Variants in A1CF observed in about 807,000 individuals in gnomAD.
A1CF encodes the protein APOBEC-1 stimulating protein.
In A1CF, 48 loss-of-function variants were observed where a neutral mutation model predicts 68.9. That is an observed-to-expected ratio of 0.70 (90% CI 0.55 to 0.89). The LOEUF is 0.89. Among genes scored for constraint, A1CF ranks in the 40% least tolerant of loss-of-function variants. The pLI, the probability that A1CF is intolerant of heterozygous loss-of-function variation, is 0.00. For synonymous variants in A1CF, 272 were observed against 260.4 expected, an observed-to-expected ratio of 1.04 and a Z score of -0.43; for missense variants, 653 against 718.9, an observed-to-expected ratio of 0.91 and a Z score of 1.05.
In A1CF at chr10:50,841,917, A is replaced by C; in HGVS notation, c.310T>G (p.Ser104Ala). 1 of 1,612,472 alleles carries C rather than the reference A, an allele frequency of 6.2e-7. No homozygotes were observed. The highest frequency in any genetic ancestry group is 8.5e-7 in the Non-Finnish European group (1 of 1,178,916). The stretch of plus-strand genomic sequence containing the variant: ...GCATTCTTGGCTTCCACTTTATTTG[A>C]AAATGTTACAAATGCATATCCTCTA... ...NNRGYAFVTF[S>A]NKVEAKNAIK... The change falls in exon 5 of 13, where the codon TCA (serine) becomes GCA (alanine). Residue 104 changes from serine (S) to alanine (A), a missense_variant. Physicochemically the swap from Ser to Ala is moderately conservative, Grantham distance 99. Transcript: ENST00000373997.
chr10:50,881,380 G>A (rs997073416), intron 1 of A1CF, among the ~76,000 whole-genome samples: 3 of 152,150 alleles, frequency 2.0e-5, no homozygotes, highest in South Asian at 2.1e-4. Context: ...GCTTATAAAC[G>A]ATAGGTGGGA....
chr10:50,816,063 G>T lies in A1CF; in HGVS notation c.1084C>A (p.Pro362Thr). 6.2e-7 allele frequency: 1 copy of T among 1,613,758 alleles called. No homozygotes were observed. The highest frequency in any genetic ancestry group is 8.5e-7 in the Non-Finnish European group (1 of 1,179,830). ...TYAAIPSLHF[P>T]ATKGHLSNRA... ...TTGCTGAGATGTCCTTTGGTGGCTG[G>T]GAAATGAAGACTGGGAATTGCTGCA... is the stretch of plus-strand genomic sequence containing the variant. Residue 362 changes from proline (P) to threonine (T), a missense_variant, in exon 9 of 13, where the codon CCA becomes ACA. Coordinates refer to ENST00000373997, the MANE Select transcript of A1CF (RefSeq NM_014576.4).
rs138192088 is a variant in A1CF at position 50,813,990 on chromosome 10, G to C, written c.1190C>G (p.Thr397Arg). The change falls in exon 10 of 13, where the codon ACA becomes AGA. Residue 397 changes from threonine to arginine, a missense_variant. Coordinates refer to ENST00000373997, the MANE Select transcript of A1CF (RefSeq NM_014576.4). ...GACCTGGTATCCTCGACCCAGGCCT[G>C]TGTATGCCAAATAGCCACGGCCGCC... is the stretch of plus-strand genomic sequence containing the variant. ...GLGGRGYLAY[T>R]GLGRGYQVKG... 5 of 1,613,824 alleles carry C rather than the reference G, an allele frequency of 3.1e-6. No homozygotes were observed. Among genetic ancestry groups the C allele is most frequent in the Non-Finnish European group, 4.2e-6 (5 of 1,179,844 alleles).
intron 10 of A1CF, among the ~76,000 whole-genome samples, chr10:50,812,613 T>C (rs557644648): frequency 3.3e-5 from 5 of 152,332 alleles, no homozygotes; most frequent in African/African-American, 1.2e-4. Context: ...ATCAGGTTTT[T>C]TGTTTTGGGT....
chr10:50,839,469 ATC>A (rs529287444), intron 5 of A1CF, among the ~76,000 whole-genome samples: 80 of 152,308 alleles, frequency 5.3e-4, no homozygotes, highest in African/African-American at 1.9e-3. Flanking sequence ...TGCTCAGAAC[ATC>A]TCTGTGTTTA....
chr10:50,878,668 G>A (rs1031855529), intron 1 of A1CF, among the ~76,000 whole-genome samples: 10 of 152,078 alleles, frequency 6.6e-5, no homozygotes, highest in Admixed American at 1.3e-4. Flanking sequence ...TTGATTTTAC[G>A]GCTTGTTTTT....
At chr10:50,851,893 G>A (rs529819391) in intron 3 of A1CF, among the ~76,000 whole-genome samples, 9 of 152,314 alleles carry the variant, frequency 5.9e-5, no homozygotes, top group Admixed American at 1.3e-4. Flanking sequence ...TGATTGCAAG[G>A]AACTGTGATC....
At chr10:50,815,076 G>C (rs1838301297) in intron 9 of A1CF, among the ~76,000 whole-genome samples, 1 of 152,162 alleles carries the variant, frequency 6.6e-6, no homozygotes, top group African/African-American at 2.4e-5. Flanking sequence ...CAGTAATCTA[G>C]ATGTGCCTTT....
intron 1 of A1CF, among the ~76,000 whole-genome samples, chr10:50,866,921 C>A (rs1841017883): frequency 6.6e-6 from 1 of 151,886 alleles, no homozygotes; most frequent in East Asian, 1.9e-4. Flanking sequence ...AGCTATGTTG[C>A]CCAGGTTGGT....
chr10:50,865,858 A>G (rs2132554182), intron 1 of A1CF, among the ~76,000 whole-genome samples: 1 of 152,338 alleles, frequency 6.6e-6, no homozygotes, highest in South Asian at 2.1e-4. Context: ...TGTTTCGCAC[A>G]TGACTGTATT....
chr10:50,856,310 T>C (rs188866572), intron 3 of A1CF, among the ~76,000 whole-genome samples: 1 of 152,080 alleles, frequency 6.6e-6, no homozygotes, highest in Non-Finnish European at 1.5e-5. Context: ...TTTTCCACAC[T>C]CTGTAGCCAA....
At chr10:50,877,344 C>G (rs1173536199) in intron 1 of A1CF, among the ~76,000 whole-genome samples, 1 of 152,136 alleles carries the variant, frequency 6.6e-6, no homozygotes, top group Non-Finnish European at 1.5e-5. Flanking sequence ...ATGTTTCTCC[C>G]TCTCTTTTTA....
Position 50,856,669 on chromosome 10 carries a change from C to A in A1CF, c.99+3173G>T, listed in dbSNP as rs751063358. On this transcript the variant is annotated intron_variant, in intron 3 of 12. Transcript: ENST00000373997. ...TCACAAGTTATCTAAACTGTCTGTG[C>A]CTTGTTTTCTTCATCAGGAAATTGG... 5.2e-4 allele frequency among the ~76,000 whole-genome samples: 79 copies of A among 152,140 alleles called. 2 individuals are homozygous for A. Among genetic ancestry groups the A allele is most frequent in the Non-Finnish European group, 1.8e-4 (12 of 67,936 alleles).
At chr10:50,811,618 G>T (rs1021525290) in intron 10 of A1CF, among the ~76,000 whole-genome samples, 2 of 152,110 alleles carry the variant, frequency 1.3e-5, no homozygotes, top group South Asian at 4.1e-4. Flanking sequence ...TTGTCATAGG[G>T]TTTTAATCTC....
At chr10:50,824,928 C>G (rs1838847356) in intron 7 of A1CF, among the ~76,000 whole-genome samples, 1 of 152,148 alleles carries the variant, frequency 6.6e-6, no homozygotes, top group Admixed American at 6.6e-5. Context: ...CACTGCAATG[C>G]TTGGCACACA....
chr10:50,849,955 G>A (rs1840164494), intron 3 of A1CF, among the ~76,000 whole-genome samples: 1 of 151,976 alleles, frequency 6.6e-6, no homozygotes, highest in Non-Finnish European at 1.5e-5. Flanking sequence ...AACCATGCCT[G>A]GCTAATTTTT....
intron 8 of A1CF, among the ~76,000 whole-genome samples, chr10:50,817,596 G>A (rs79929185): frequency 0.023 from 3,431 of 152,222 alleles, 104 homozygotes; most frequent in African/African-American, 0.077. Flanking sequence ...ATTAGAAAAA[G>A]TAGACCTGGC....
At chr10:50,842,117 G>T in intron 4 of A1CF, 125 bp from the exon 5 acceptor site, 1 of 822,326 alleles carries the variant, frequency 1.2e-6, no homozygotes, top group Non-Finnish European at 1.8e-6. Flanking sequence ...CCTCCTGCCA[G>T]TACTATTTGG....
At chr10:50,830,611 T>C (rs1041565544) in intron 6 of A1CF, among the ~76,000 whole-genome samples, 2 of 151,972 alleles carry the variant, frequency 1.3e-5, no homozygotes, top group Admixed American at 1.3e-4. Flanking sequence ...GATAAAAAAT[T>C]AAAGAAGAAA....
Sources: allele counts gnomAD v4.1 joint callset (sites outside exome capture counted in the v4.1 genomes callset), GRCh38; gene constraint gnomAD v4.1.1; transcripts MANE v1.5; gene names NCBI Gene and HGNC (gene_info 2026-07-23, HGNC 2026-07-21).